Variants in KMT2E observed in about 807,000 individuals in gnomAD.
The protein encoded by KMT2E is lysine methyltransferase 2E (inactive), also known as histone reader KMT2E.
In KMT2E, 30 loss-of-function variants were observed where a neutral mutation model predicts 184.6. The observed-to-expected ratio is 0.16, with a 90% confidence interval of 0.12 to 0.22. The LOEUF (loss-of-function observed/expected upper bound fraction) is 0.22, where lower values mean the gene tolerates loss of function less well. Among genes scored for constraint, KMT2E ranks in the 10% least tolerant of loss-of-function variants. The probability of loss-of-function intolerance (pLI) is 1.00; values close to 1 mark genes in which losing one functional copy is unlikely to be tolerated. For missense variants in KMT2E, 2,023 were observed against 2,237.4 expected (o/e 0.90, Z 1.93); for synonymous variants, 815 against 776.5 (o/e 1.05, Z -0.82).
chr7:105,037,882 TATTAA>T lies in KMT2E; in HGVS notation c.-188-240_-188-236del, dbSNP rs547204804. On this transcript the variant is annotated intron_variant, in intron 1 of 26. Coordinates refer to ENST00000311117, the MANE Select transcript of KMT2E (RefSeq NM_182931.3). ...TATTTTTCAGTTAAACATTTTTAAATATTAAATTTAATATTGTATCCCAGTGTTTC... is the reference window on the plus strand; with the variant it reads ...TATTTTTCAGTTAAACATTTTTAAATATTTAATATTGTATCCCAGTGTTTC... 2.6e-4 allele frequency among the ~76,000 whole-genome samples: 40 copies of T among 151,062 alleles called. No homozygotes were observed. The East Asian group carries it at 7.4e-3, about 28-fold the overall frequency.
At chr7:105,022,179 T>TA in intron 1 of KMT2E, among the ~76,000 whole-genome samples, 1 of 152,332 alleles carries the variant, frequency 6.6e-6, no homozygotes, top group Non-Finnish European at 1.5e-5. Context: ...ATTGATGTAA[T>TA]ACTAAATAGT....
rs1260201293 is a variant in KMT2E, at chr7:105,105,982, A to C, written c.2575A>C (p.Asn859His). The C allele has an allele frequency of 1.9e-6, 3 of 1,610,586 alleles. No homozygotes were observed. The highest frequency in any genetic ancestry group is 2.5e-6 in the Non-Finnish European group (3 of 1,179,150). Residue 859 changes from asparagine (N) to histidine (H), a missense_variant, in exon 19 of 27, where the codon AAT becomes CAT. Physicochemically the swap from Asn to His is moderately conservative, Grantham distance 68. This residue lies in a region of KMT2E where 514 missense variants were observed against 621.8 expected (regional missense o/e 0.83). Transcript: ENST00000311117. The stretch of plus-strand genomic sequence containing the variant: ...TGAAAATAAAAGTCCACTACTATTA[A>C]ATGACAGCTGTTCCCTTCCAGGTAG... ...NGENKSPLLL[N>H]DSCSLPDLTT... is the part of the protein sequence containing the mutation.
Position 105,110,794 on chromosome 7 carries a change from C to T in KMT2E, c.3994C>T (p.Pro1332Ser), listed in dbSNP as rs759722988. Residue 1332 changes from proline (P) to serine (S), a missense_variant, in exon 26 of 27, where the codon CCC (proline) becomes TCC (serine). By Grantham distance (74) the Pro-to-Ser change is moderately conservative. Transcript: ENST00000311117. Reference protein sequence around the residue: ...MEDPDPENPEPTTTNECPSPD... With the variant: ...MEDPDPENPESTTTNECPSPD... Reference sequence around the variant, plus strand: ...AGACCCTGATCCTGAAAATCCAGAACCCACAACTACGAATGAATGTCCATC... The same window carrying T: ...AGACCCTGATCCTGAAAATCCAGAATCCACAACTACGAATGAATGTCCATC... The T allele has an allele frequency of 1.2e-6, 2 of 1,613,990 alleles. No individual in the cohort carries two copies. Among genetic ancestry groups the T allele is most frequent in the Non-Finnish European group, 1.7e-6 (2 of 1,179,884 alleles).
At chr7:105,057,659 C>T (rs1195265955) in intron 3 of KMT2E, among the ~76,000 whole-genome samples, 2 of 152,000 alleles carry the variant, frequency 1.3e-5, no homozygotes, top group Non-Finnish European at 2.9e-5. Context: ...TGCTGTGTTG[C>T]CCCGACTGGT....
chr7:105,059,834 T>TA (rs1417146124), intron 3 of KMT2E, among the ~76,000 whole-genome samples: 1 of 152,076 alleles, frequency 6.6e-6, no homozygotes, highest in African/African-American at 2.4e-5. Context: ...GACATAGTCT[T>TA]ACATTTTCTT....
At chr7:105,092,014 A>G (rs1001474956) in intron 15 of KMT2E, among the ~76,000 whole-genome samples, 1 of 152,226 alleles carries the variant, frequency 6.6e-6, no homozygotes, top group Non-Finnish European at 1.5e-5. Flanking sequence ...GCCTTATGAT[A>G]GGTGCTCCCC....
At chr7:105,022,205 A>G (rs1794983823) in intron 1 of KMT2E, among the ~76,000 whole-genome samples, 1 of 152,184 alleles carries the variant, frequency 6.6e-6, no homozygotes, top group Admixed American at 6.5e-5. Flanking sequence ...TTCTAGTTTT[A>G]TCAGTTGTCC....
chr7:105,075,973 C>G (rs1797510290), intron 8 of KMT2E, 70 bp from the exon 9 acceptor site: 2 of 1,212,522 alleles, frequency 1.6e-6, no homozygotes, highest in South Asian at 1.3e-5. Flanking sequence ...TTCAATGAAC[C>G]AATTAATTCT....
chr7:105,039,510 T>C (rs1415845169), intron 2 of KMT2E, among the ~76,000 whole-genome samples: 2 of 152,214 alleles, frequency 1.3e-5, no homozygotes, highest in African/African-American at 4.8e-5. Context: ...GCAATTCTTA[T>C]ATCTGCCTGT....
intron 13 of KMT2E, among the ~76,000 whole-genome samples, chr7:105,087,155 C>T (rs935859654): frequency 5.5e-5 from 8 of 145,424 alleles, no homozygotes; most frequent in African/African-American, 1.5e-4. Context: ...CTAGGTCATG[C>T]GGACTGGTAT....
At chr7:105,056,939 A>G (rs993009548) in intron 3 of KMT2E, among the ~76,000 whole-genome samples, 2 of 152,242 alleles carry the variant, frequency 1.3e-5, no homozygotes, top group African/African-American at 4.8e-5. Flanking sequence ...TTTCTACTGG[A>G]GAAAATGCCT....
intron 3 of KMT2E, among the ~76,000 whole-genome samples, chr7:105,059,949 A>G (rs578229916): frequency 1.4e-5 from 2 of 141,590 alleles, no homozygotes; most frequent in South Asian, 2.3e-4. Flanking sequence ...CAGCATAGAC[A>G]TTAGCTGAAT....
chr7:105,015,681 C>G (rs1400581994), intron 1 of KMT2E, among the ~76,000 whole-genome samples: 1 of 151,996 alleles, frequency 6.6e-6, no homozygotes, highest in Non-Finnish European at 1.5e-5. Context: ...AATGGCGGCC[C>G]CAGGCTGATG....
intron 12 of KMT2E, among the ~76,000 whole-genome samples, chr7:105,080,921 T>C (rs551082995): frequency 5.3e-5 from 8 of 152,194 alleles, no homozygotes; most frequent in Non-Finnish European, 1.2e-4. Flanking sequence ...GAGAATCACT[T>C]GAATCTGAGA....
chr7:105,110,161 C>A (rs771293331), intron 23 of KMT2E, 119 bp from the exon 24 acceptor site: 1 of 808,670 alleles, frequency 1.2e-6, no homozygotes, highest in Non-Finnish European at 2.1e-6. Flanking sequence ...AGGTTAACAC[C>A]AAAGTATTTT....
Position 105,112,392 on chromosome 7 carries a change from C to A in KMT2E, c.4636C>A (p.Pro1546Thr). ...QQSLNSTAPP[P>T]PPPPPPSSSY... is the part of the protein sequence containing the mutation. Reference sequence around the variant, plus strand: ...AAGTCTGAACAGCACGGCACCACCCCCTCCACCTCCTCCACCTCCTTCTTC... The same window carrying A: ...AAGTCTGAACAGCACGGCACCACCCACTCCACCTCCTCCACCTCCTTCTTC... The change falls in exon 27 of 27, where the codon CCT becomes ACT. Residue 1546 changes from proline (P) to threonine (T), a missense_variant. Pro to Thr is a conservative substitution (Grantham distance 38). Around this residue, in one of 8 missense-constraint regions of KMT2E, gnomAD observed 1,108 missense variants for 1,050.9 expected, o/e 1.05. Transcript: ENST00000311117. 6.2e-7 allele frequency: 1 copy of A among 1,612,454 alleles called. No homozygotes were observed. Among genetic ancestry groups the A allele is most frequent in the Non-Finnish European group, 8.5e-7 (1 of 1,179,658 alleles).
intron 9 of KMT2E, among the ~76,000 whole-genome samples, chr7:105,076,616 C>T (rs957748577): frequency 6.6e-6 from 1 of 152,210 alleles, no homozygotes; most frequent in Non-Finnish European, 1.5e-5. Context: ...CGAGGCTCCT[C>T]GCCTCTGTCT....
chr7:105,078,903 T>C lies in KMT2E; in HGVS notation c.1188T>C (p.Asp396=), dbSNP rs924223497. 9.9e-6 allele frequency: 16 copies of C among 1,611,668 alleles called. No homozygotes were observed. In the Admixed American group the frequency reaches 2.0e-4, roughly 20 times the overall value. Residue 396 remains aspartate, a synonymous_variant, in exon 12 of 27, where the codon GAT becomes GAC. Transcript: ENST00000311117. ...TTCATGGGCTAGAAATGTGTGTTGA[T>C]GCAAGGACTTTTGGGAATGAGGCTC... ...SKFHGLEMCV[D]ARTFGNEARF...
intron 3 of KMT2E, chr7:105,061,838 A>G (rs766766035): frequency 5.2e-5 from 10 of 191,166 alleles, no homozygotes; most frequent in Non-Finnish European, 1.1e-4. Context: ...AATTATTTCT[A>G]CTACTTCTTT....
Sources: allele counts gnomAD v4.1 joint callset (sites outside exome capture counted in the v4.1 genomes callset), GRCh38; gene constraint gnomAD v4.1.1; regional missense constraint gnomAD v4.1.1; transcripts MANE v1.5; gene names NCBI Gene and HGNC (gene_info 2026-07-23, HGNC 2026-07-21).